The following IGF1R variants were observed in gnomAD, a reference collection of about 807,000 sequenced individuals.
The protein encoded by IGF1R is insulin like growth factor 1 receptor.
Under a neutral mutation model 144.6 loss-of-function variants are expected in IGF1R, and 44 were observed. That is an observed-to-expected ratio of 0.30 (90% CI 0.24 to 0.39). IGF1R has a LOEUF of 0.39. Among genes scored for constraint, IGF1R ranks in the 10% least tolerant of loss-of-function variants. The pLI is 1.00. For synonymous variants in IGF1R, 795 were observed against 722.8 expected (o/e 1.10, Z -1.60); for missense variants, 1,355 against 1,833.7 (o/e 0.74, Z 4.77).
intron 2 of IGF1R, among the ~76,000 whole-genome samples, chr15:98,869,135 A>G (rs1029469647): frequency 1.3e-5 from 2 of 152,120 alleles, no homozygotes; most frequent in Non-Finnish European, 2.9e-5. Context: ...ATTTTTTCAT[A>G]TTATTCTTGT....
At chr15:98,737,645 T>A (rs2054641757) in intron 2 of IGF1R, among the ~76,000 whole-genome samples, 1 of 152,196 alleles carries the variant, frequency 6.6e-6, no homozygotes. Context: ...TTCTTCTCCC[T>A]CTTTGCCCCG....
At chr15:98,797,521 T>A (rs994854746) in intron 2 of IGF1R, among the ~76,000 whole-genome samples, 1 of 152,232 alleles carries the variant, frequency 6.6e-6, no homozygotes, top group Non-Finnish European at 1.5e-5. Context: ...CCAGGTCAGA[T>A]GGAGAGCTCT....
At chr15:98,788,056 C>CTGTGTGTG (rs1218256852) in intron 2 of IGF1R, among the ~76,000 whole-genome samples, 21 of 106,446 alleles carry the variant, frequency 2.0e-4, no homozygotes, top group African/African-American at 4.3e-4. Flanking sequence ...CTCTCTCTCT[C>CTGTGTGTG]TCTCTCTGTG....
chr15:98,939,092 A>G (rs1160360544), intron 17 of IGF1R, 109 bp from the exon 18 acceptor site: 1 of 884,768 alleles, frequency 1.1e-6, no homozygotes, highest in Non-Finnish European at 1.8e-6. Context: ...TAGCATAAAC[A>G]ACCCACGGTG....
rs552503065 is a variant in IGF1R at position 98,945,498 on chromosome 15, A to G, written c.3587+2446A>G. Among the ~76,000 whole-genome samples, 5 of 152,344 alleles carry G rather than the reference A, an allele frequency of 3.3e-5. No individual in the cohort carries two copies. The South Asian group carries it at 6.2e-4, about 19-fold the overall frequency. ...GGGCTTTACACAGAGACATGTATCT[A>G]CTGTTTGAAGATTAAATCTGTCCAT... On this transcript the variant is annotated intron_variant, in intron 19 of 20. Coordinates refer to ENST00000650285, the MANE Select transcript of IGF1R (RefSeq NM_000875.5).
intron 13 of IGF1R, among the ~76,000 whole-genome samples, chr15:98,925,009 T>A (rs906441741): frequency 4.2e-4 from 59 of 140,554 alleles, no homozygotes; most frequent in African/African-American, 1.5e-3. Context: ...TTTTTTTTTT[T>A]AAACAAAAGA....
At chr15:98,940,562 C>G (rs1277535527) in intron 18 of IGF1R, among the ~76,000 whole-genome samples, 1 of 152,208 alleles carries the variant, frequency 6.6e-6, no homozygotes, top group African/African-American at 2.4e-5. Flanking sequence ...TGCCACCACA[C>G]CCAGCTGATT....
intron 5 of IGF1R, among the ~76,000 whole-genome samples, chr15:98,901,675 G>A (rs1364073192): frequency 6.6e-6 from 1 of 152,206 alleles, no homozygotes; most frequent in Non-Finnish European, 1.5e-5. Context: ...CTCGCACAGT[G>A]ATACAAGGGA....
intron 2 of IGF1R, among the ~76,000 whole-genome samples, chr15:98,879,609 C>G (rs1324271592): frequency 6.6e-6 from 1 of 152,032 alleles, no homozygotes; most frequent in African/African-American, 2.4e-5. Flanking sequence ...GATAGCGTTA[C>G]CAAATCGTTT....
intron 2 of IGF1R, among the ~76,000 whole-genome samples, chr15:98,745,337 A>G (rs1467161277): frequency 6.6e-6 from 1 of 152,222 alleles, no homozygotes; most frequent in East Asian, 1.9e-4. Context: ...AGCCGCACTA[A>G]GCACTTCCCC....
intron 2 of IGF1R, among the ~76,000 whole-genome samples, chr15:98,770,544 C>T (rs376875596): frequency 1.1e-4 from 16 of 152,144 alleles, no homozygotes; most frequent in African/African-American, 3.9e-4. Context: ...ACATTGCATA[C>T]ATGTTTCAAA....
intron 2 of IGF1R, among the ~76,000 whole-genome samples, chr15:98,741,235 CTTTTTTT>C (rs540942858): frequency 5.7e-5 from 4 of 70,330 alleles, no homozygotes; most frequent in Non-Finnish European, 1.1e-4. Flanking sequence ...TTTTCCTGAG[CTTTTTTT>C]TTTTTTTTTT....
intron 10 of IGF1R, among the ~76,000 whole-genome samples, chr15:98,917,355 C>G (rs1223096704): frequency 6.6e-6 from 1 of 152,230 alleles, no homozygotes; most frequent in Non-Finnish European, 1.5e-5. Flanking sequence ...AAAACATAGC[C>G]AGGTGCCACA....
rs545274697 is a variant in IGF1R, at chr15:98,832,235, C to T, written c.641-59090C>T. ...AAGGAGACTGTAAACTCCAGGAGGG[C>T]AGGAATTATGTCTTAAAACACTAGC... On this transcript the variant is annotated intron_variant, in intron 2 of 20. Transcript: ENST00000650285. 4.6e-5 allele frequency among the ~76,000 whole-genome samples: 7 copies of T among 152,094 alleles called. No individual in the cohort carries two copies. The South Asian group carries it at 1.4e-3, about 32-fold the overall frequency.
intron 2 of IGF1R, among the ~76,000 whole-genome samples, chr15:98,820,485 C>T (rs1025640896): frequency 1.3e-5 from 2 of 151,686 alleles, no homozygotes; most frequent in African/African-American, 2.4e-5. Flanking sequence ...GTGAAAGTAA[C>T]TTCATTCTAT....
At chr15:98,668,914 C>T (rs2052814228) in intron 1 of IGF1R, among the ~76,000 whole-genome samples, 1 of 152,200 alleles carries the variant, frequency 6.6e-6, no homozygotes. Flanking sequence ...AGTACTTTTT[C>T]CTCTCCCAGC....
chr15:98,877,762 CA>C (rs2013137364), intron 2 of IGF1R, among the ~76,000 whole-genome samples: 1 of 151,956 alleles, frequency 6.6e-6, no homozygotes, highest in Admixed American at 6.6e-5. Context: ...ACAGGTAGTG[CA>C]AAAAAATCTA....
chr15:98,962,070 C>G lies in IGF1R; in HGVS notation c.*4628C>G, dbSNP rs962327002. On this transcript the variant is annotated 3_prime_UTR_variant, in exon 21 of 21. Transcript: ENST00000650285. ...TGAAGCTTTTCCCACAGCAGTCCAC[C>G]TCTGCAGGCTGGCAGCCGAATGGCT... is the stretch of plus-strand genomic sequence containing the variant. 2 of 233,326 alleles carry G rather than the reference C, an allele frequency of 8.6e-6. No homozygotes were observed. Among genetic ancestry groups the G allele is most frequent in the East Asian group, 1.2e-4 (2 of 16,590 alleles). The allele number at this position is 233,326 out of a possible 1,614,324, so 14.5% of individuals were successfully genotyped here.
chr15:98,649,926 C>T (rs1048818829), intron 1 of IGF1R, among the ~76,000 whole-genome samples: 2 of 152,150 alleles, frequency 1.3e-5, no homozygotes, highest in African/African-American at 2.4e-5. Flanking sequence ...TCTCTTTCTC[C>T]GTCCTGACAG....
Sources: gnomAD v4.1 joint callset for allele counts (sites outside exome capture counted in the v4.1 genomes callset) on GRCh38, gnomAD v4.1.1 for gene constraint, MANE v1.5 for transcripts, NCBI Gene and HGNC (gene_info 2026-07-23, HGNC 2026-07-21) for gene names.